The following EPB41 variants were observed in gnomAD, a reference collection of about 807,000 sequenced individuals.
EPB41 encodes the protein erythrocyte membrane protein band 4.1.
In EPB41, 65 loss-of-function variants were observed where a neutral mutation model predicts 108.0. The ratio of observed to expected loss-of-function variants is 0.60; its 90% CI spans 0.49 to 0.74. The LOEUF (loss-of-function observed/expected upper bound fraction) is 0.74, where lower values mean the gene tolerates loss of function less well. Ranked by LOEUF, EPB41 falls within the 30% of genes least tolerant of loss-of-function variation. The pLI is 0.00. For synonymous variants in EPB41, 336 were observed against 358.9 expected (o/e 0.94, Z 0.72); for missense variants, 875 against 1,037.0 (o/e 0.84, Z 2.15).
chr1:29,111,736 T>C (rs1359999753), intron 18 of EPB41, among the ~76,000 whole-genome samples: 2 of 152,170 alleles, frequency 1.3e-5, no homozygotes, highest in South Asian at 2.1e-4. Flanking sequence ...CCAAGCACTT[T>C]GGGAGGCTGA....
At chr1:28,998,193 T>C (rs1572172164) in intron 4 of EPB41, among the ~76,000 whole-genome samples, 1 of 151,706 alleles carries the variant, frequency 6.6e-6, no homozygotes, top group African/African-American at 2.4e-5. Flanking sequence ...TCTGGGGAGG[T>C]GATGCCTTAG....
chr1:28,954,024 C>G (rs1209957201), intron 1 of EPB41, among the ~76,000 whole-genome samples: 1 of 152,172 alleles, frequency 6.6e-6, no homozygotes, highest in East Asian at 1.9e-4. Flanking sequence ...ACCTTTGGAG[C>G]TTTAAAAAAC....
intron 1 of EPB41, among the ~76,000 whole-genome samples, chr1:28,969,178 C>T (rs2095435309): frequency 1.3e-5 from 2 of 151,058 alleles, no homozygotes; most frequent in South Asian, 2.1e-4. Context: ...TCCACCTCCT[C>T]GGTTCAAGTG....
At chr1:28,978,138 C>G (rs757316077) in intron 1 of EPB41, among the ~76,000 whole-genome samples, 1 of 151,316 alleles carries the variant, frequency 6.6e-6, no homozygotes, top group Admixed American at 6.6e-5. Context: ...TTTTGCCTTT[C>G]TACCTCTGTG....
At chr1:28,962,709 T>C (rs1025461576) in intron 1 of EPB41, among the ~76,000 whole-genome samples, 6 of 151,676 alleles carry the variant, frequency 4.0e-5, no homozygotes, top group African/African-American at 1.2e-4. Context: ...TAGAACTTTC[T>C]GTCTTTGGAT....
chr1:28,957,344 G>T (rs1226610584), intron 1 of EPB41, among the ~76,000 whole-genome samples: 1 of 152,212 alleles, frequency 6.6e-6, no homozygotes, highest in East Asian at 1.9e-4. Flanking sequence ...TATATGTAGA[G>T]ACTGTCAAAA....
At chr1:29,057,474 T>C (rs1344359372) in intron 12 of EPB41, among the ~76,000 whole-genome samples, 1 of 152,070 alleles carries the variant, frequency 6.6e-6, no homozygotes, top group Non-Finnish European at 1.5e-5. Flanking sequence ...ACTTAACACT[T>C]GACAGTGTCA....
chr1:29,033,139 T>C lies in EPB41; in HGVS notation c.1259T>C (p.Leu420Pro). 6.2e-7 allele frequency: 1 copy of C among 1,613,980 alleles called. No individual in the cohort carries two copies. ...ATCCTAGGTGTCTGCTCTAGTGGCC[T>C]TCTGGTTTACAAAGATAAGCTGAGA... ...DIILGVCSSG[L>P]LVYKDKLRIN... Residue 420 changes from leucine to proline, a missense_variant, in exon 9 of 21, where the codon CTT (leucine) becomes CCT (proline). Coordinates refer to ENST00000343067, the MANE Select transcript of EPB41 (RefSeq NM_001376013.1).
At chr1:29,068,419 G>T (rs1031202857) in intron 16 of EPB41, among the ~76,000 whole-genome samples, 1 of 152,108 alleles carries the variant, frequency 6.6e-6, no homozygotes, top group Admixed American at 6.5e-5. Context: ...AATCTTCTCA[G>T]GGTTGGTTTT....
intron 1 of EPB41, among the ~76,000 whole-genome samples, chr1:28,975,077 G>A (rs998059812): frequency 6.6e-6 from 1 of 151,768 alleles, no homozygotes; most frequent in Non-Finnish European, 1.5e-5. Flanking sequence ...ACAGGCATGA[G>A]CCACCGTGCC....
intron 16 of EPB41, among the ~76,000 whole-genome samples, chr1:29,093,555 C>T (rs1352748544): frequency 6.6e-6 from 1 of 152,148 alleles, no homozygotes; most frequent in African/African-American, 2.4e-5. Flanking sequence ...AATTAGATCC[C>T]ATTTGTCAAT....
intron 16 of EPB41, chr1:29,071,485 A>G (rs752412253): frequency 6.6e-6 from 1 of 152,358 alleles, no homozygotes; most frequent in African/African-American, 2.4e-5. Context: ...TTATATTGCT[A>G]GCAGCAATAG....
intron 12 of EPB41, among the ~76,000 whole-genome samples, chr1:29,055,763 A>T (rs1037296740): frequency 1.3e-5 from 2 of 149,312 alleles, no homozygotes; most frequent in Admixed American, 1.3e-4. Flanking sequence ...CCCCGTCTTT[A>T]CTAAAAATAC....
chr1:29,072,121 A>G (rs550954232), intron 16 of EPB41: 5 of 152,310 alleles, frequency 3.3e-5, no homozygotes, highest in Admixed American at 6.5e-5. Flanking sequence ...AGAAGCAAGG[A>G]CCAGGTTAAA....
chr1:28,986,647 T>TA (rs1185135428), intron 1 of EPB41, among the ~76,000 whole-genome samples: 1 of 152,160 alleles, frequency 6.6e-6, no homozygotes, highest in African/African-American at 2.4e-5. Flanking sequence ...GGGATACCTC[T>TA]GGCCGGGTGC....
intron 16 of EPB41, among the ~76,000 whole-genome samples, chr1:29,095,728 G>GTCAA (rs1662966574): frequency 6.6e-6 from 1 of 151,792 alleles, no homozygotes; most frequent in East Asian, 1.9e-4. Context: ...GCTATGGTCA[G>GTCAA]GCCACTGCAC....
chr1:29,053,114 C>A lies in EPB41; in HGVS notation c.1647C>A (p.Val549=), dbSNP rs145888614. 3.7e-6 allele frequency: 6 copies of A among 1,613,886 alleles called. No individual in the cohort carries two copies. The Admixed American group carries it at 1.0e-4, about 27-fold the overall frequency. Residue 549 remains valine (V), a synonymous_variant, in exon 12 of 21, where the codon GTC becomes GTA. Transcript: ENST00000343067. Reference sequence around the variant, plus strand: ...CCCTTTCTCACATAGCAGCAGCTGTCGATTCGGCAGACCGAAGTCCTCGGC... The same window carrying A: ...CCCTTTCTCACATAGCAGCAGCTGTAGATTCGGCAGACCGAAGTCCTCGGC... The part of the protein sequence containing the change: ...ASRSLDGAAA[V]DSADRSPRPT...
chr1:28,960,633 G>T (rs1189440206), intron 1 of EPB41, among the ~76,000 whole-genome samples: 1 of 151,768 alleles, frequency 6.6e-6, no homozygotes, highest in Non-Finnish European at 1.5e-5. Flanking sequence ...TAGAGGCTGT[G>T]GTAGGAGGAT....
At chr1:28,969,426 A>G (rs772219045) in intron 1 of EPB41, among the ~76,000 whole-genome samples, 14 of 151,528 alleles carry the variant, frequency 9.2e-5, no homozygotes, top group Non-Finnish European at 1.8e-4. Context: ...ATTTATTTGT[A>G]GTAAGCTTAC....
Sources: allele counts gnomAD v4.1 joint callset (sites outside exome capture counted in the v4.1 genomes callset), GRCh38; gene constraint gnomAD v4.1.1; transcripts MANE v1.5; gene names NCBI Gene and HGNC (gene_info 2026-07-23, HGNC 2026-07-21).